The following ZNF592 variants were observed in gnomAD, a reference collection of about 807,000 sequenced individuals.
ZNF592 encodes the protein spinocerebellar ataxia, autosomal recessive 5.
In ZNF592, 11 loss-of-function variants were observed where a neutral mutation model predicts 80.3. That is an observed-to-expected ratio of 0.14 (90% CI 0.09 to 0.23). The LOEUF (loss-of-function observed/expected upper bound fraction) is 0.23, where lower values mean the gene tolerates loss of function less well. Among genes scored for constraint, ZNF592 ranks in the 10% least tolerant of loss-of-function variants. The probability of loss-of-function intolerance (pLI) is 1.00; values close to 1 mark genes in which losing one functional copy is unlikely to be tolerated. For missense variants in ZNF592, 1,420 were observed against 1,633.9 expected (o/e 0.87, Z 2.26); for synonymous variants, 646 against 640.3 (o/e 1.01, Z -0.13).
intron 5 of ZNF592, among the ~76,000 whole-genome samples, chr15:84,792,854 C>G (rs374524510): frequency 6.6e-6 from 1 of 152,192 alleles, no homozygotes; most frequent in Admixed American, 6.5e-5. Flanking sequence ...CAGGATTATA[C>G]AAAGCACTTA....
Position 84,797,888 on chromosome 15 carries a change from G to A in ZNF592, c.2419G>A (p.Val807Ile), listed in dbSNP as rs542655238. 59 of 1,614,176 alleles carry A rather than the reference G, an allele frequency of 3.7e-5. No individual in the cohort carries two copies. The South Asian group carries it at 4.3e-4, about 12-fold the overall frequency. The change falls in exon 6 of 11, where the codon GTC (valine) becomes ATC (isoleucine). Residue 807 changes from valine (V) to isoleucine (I), a missense_variant. By Grantham distance (29) the Val-to-Ile change is conservative. Around this residue, in one of 7 missense-constraint regions of ZNF592, gnomAD observed 13 missense variants for 42.3 expected, o/e 0.31. Coordinates refer to ENST00000560079, the MANE Select transcript of ZNF592 (RefSeq NM_014630.3). ...GTCTAGGTGCATCCACTGTGGTGTC[G>A]TCCACCTGACCTTGGCCTTGCTGAA... ...VGYRCIHCGV[V>I]HLTLALLKSH...
Position 84,784,403 on chromosome 15 carries a change from G to C in ZNF592, c.1728G>C (p.Ala576=), listed in dbSNP as rs150459952. 2.5e-6 allele frequency: 4 copies of C among 1,614,184 alleles called. No homozygotes were observed. The highest frequency in any genetic ancestry group is 3.4e-6 in the Non-Finnish European group (4 of 1,180,026). The part of the protein sequence containing the change: ...PLYAPNLSPP[A]DSRIHVPASG... Reference sequence around the variant, plus strand: ...ATGCGCCAAATCTCAGCCCGCCTGCGGACAGCAGGATCCACGTGCCGGCCA... The same window carrying C: ...ATGCGCCAAATCTCAGCCCGCCTGCCGACAGCAGGATCCACGTGCCGGCCA... Residue 576 remains alanine, a synonymous_variant, in exon 4 of 11, where the codon GCG becomes GCC. Coordinates refer to ENST00000560079, the MANE Select transcript of ZNF592 (RefSeq NM_014630.3). The surrounding 1 kb of genome is among the most constrained non-coding windows in gnomAD (Gnocchi z 5.8).
chr15:84,790,472 A>G (rs1422667915), intron 4 of ZNF592, among the ~76,000 whole-genome samples: 1 of 152,230 alleles, frequency 6.6e-6, no homozygotes, highest in African/African-American at 2.4e-5. Context: ...TTGAGAGAAT[A>G]GGGTCAGGTC....
intron 5 of ZNF592, 49 bp from the exon 6 acceptor site, chr15:84,797,820 A>G: frequency 6.2e-7 from 1 of 1,608,530 alleles, no homozygotes; most frequent in Non-Finnish European, 8.5e-7. Flanking sequence ...CTCTGGGTCC[A>G]GTACTCCCTA....
At chr15:84,797,774 T>C (rs1414379521) in intron 5 of ZNF592, 95 bp from the exon 6 acceptor site, 19 of 1,413,702 alleles carry the variant, frequency 1.3e-5, no homozygotes, top group Middle Eastern at 1.7e-4. Flanking sequence ...TGGATAGTTC[T>C]GTTCCTCTTC....
intron 3 of ZNF592, among the ~76,000 whole-genome samples, chr15:84,782,364 G>C (rs1596122519): frequency 1.3e-5 from 2 of 152,154 alleles, no homozygotes; most frequent in South Asian, 4.1e-4. Context: ...TATGGTAGGA[G>C]TATACTCTCT....
chr15:84,781,050 T>C (rs975411812), intron 3 of ZNF592, among the ~76,000 whole-genome samples: 1 of 152,116 alleles, frequency 6.6e-6, no homozygotes, highest in Non-Finnish European at 1.5e-5. Flanking sequence ...TATTTATTTA[T>C]TTATTTATTT....
Position 84,790,691 on chromosome 15 carries a change from G to T in ZNF592, c.2221-14G>T. On this transcript the variant is annotated splice_polypyrimidine_tract_variant and intron_variant, in intron 4 of 10. Transcript: ENST00000560079. ...GGCCCCTGCATGATCTGCTTTCTTG[G>T]TGTTCTTTCCTAGACCTGCCAGGTA... 6.2e-7 allele frequency: 1 copy of T among 1,614,152 alleles called. No individual in the cohort carries two copies. The highest frequency in any genetic ancestry group is 8.5e-7 in the Non-Finnish European group (1 of 1,180,014).
At chr15:84,775,303 C>G (rs532173603) in intron 2 of ZNF592, among the ~76,000 whole-genome samples, 56 of 152,004 alleles carry the variant, frequency 3.7e-4, no homozygotes, top group Non-Finnish European at 7.1e-4. Flanking sequence ...ACTGTGTTGG[C>G]CAGGCTAGTG....
chr15:84,774,191 CT>C (rs1962176139), intron 2 of ZNF592, among the ~76,000 whole-genome samples: 1 of 152,124 alleles, frequency 6.6e-6, no homozygotes, highest in East Asian at 1.9e-4. Flanking sequence ...TTTAATTTTG[CT>C]TTTTGATTAG....
intron 1 of ZNF592, among the ~76,000 whole-genome samples, chr15:84,763,289 C>G (rs140090499): frequency 0.021 from 3,181 of 152,286 alleles, 49 homozygotes; most frequent in Non-Finnish European, 0.028. Flanking sequence ...GGAGAAGCAG[C>G]CAGCCTGGAA....
rs745474212 is a variant in ZNF592, at chr15:84,783,851, A to G, written c.1176A>G (p.Thr392=). The G allele has an allele frequency of 5.0e-5, 80 of 1,614,096 alleles. No homozygotes were observed. The highest frequency in any genetic ancestry group is 6.4e-5 in the Non-Finnish European group (75 of 1,180,042). The change falls in exon 4 of 11, where the codon ACA becomes ACG. Residue 392 remains threonine (T), a synonymous_variant. Coordinates refer to ENST00000560079, the MANE Select transcript of ZNF592 (RefSeq NM_014630.3). This position sits in a 1 kb window ranked among gnomAD's most constrained non-coding sequence, Gnocchi z 5.0. ...CAGGGGAAATCAAACGGACTGTCAC[A>G]AGGATCCTGCCAGATCCTGATGATC... The part of the protein sequence containing the change: ...TSSGEIKRTV[T]RILPDPDDPS...
rs767292961 is a variant in ZNF592 at position 84,784,211 on chromosome 15, C to A, written c.1536C>A (p.Pro512=). ...ACTTGGCCAACCTGAACCTCGTCCC[C>A]CACAGTGTTGCTGCATCAGTGACAG... ...AVHLANLNLV[P]HSVAASVTAK... is the part of the protein sequence containing the mutation. The change falls in exon 4 of 11, where the codon CCC becomes CCA. Residue 512 remains proline, a synonymous_variant. Transcript: ENST00000560079. The surrounding 1 kb of genome is among the most constrained non-coding windows in gnomAD (Gnocchi z 5.8). The A allele has an allele frequency of 1.2e-6, 2 of 1,614,220 alleles. No individual in the cohort carries two copies. Among genetic ancestry groups the A allele is most frequent in the Non-Finnish European group, 8.5e-7 (1 of 1,180,046 alleles).
chr15:84,755,299 T>A (rs981010282), intron 1 of ZNF592, among the ~76,000 whole-genome samples: 2 of 151,394 alleles, frequency 1.3e-5, no homozygotes, highest in Non-Finnish European at 2.9e-5. Flanking sequence ...TTTTTTTTAA[T>A]TTTTTTTTAT....
intron 5 of ZNF592, 112 bp from the exon 6 acceptor site, chr15:84,797,757 A>G: frequency 8.2e-7 from 1 of 1,225,016 alleles, no homozygotes; most frequent in African/African-American, 1.5e-5. Flanking sequence ...GGGAGGGAGA[A>G]GGTGCCTGGA....
intron 2 of ZNF592, among the ~76,000 whole-genome samples, chr15:84,768,124 T>A (rs1899585501): frequency 6.6e-6 from 1 of 150,848 alleles, no homozygotes; most frequent in Admixed American, 6.6e-5. Context: ...ACTCCTGGCC[T>A]CAAATGATCT....
At chr15:84,795,510 C>G (rs942748560) in intron 5 of ZNF592, among the ~76,000 whole-genome samples, 4 of 152,218 alleles carry the variant, frequency 2.6e-5, no homozygotes, top group African/African-American at 9.6e-5. Flanking sequence ...TTTTCAGTAG[C>G]ATTCGAAAAG....
intron 3 of ZNF592, among the ~76,000 whole-genome samples, chr15:84,778,975 A>C (rs1460194183): frequency 6.6e-6 from 1 of 152,210 alleles, no homozygotes; most frequent in Non-Finnish European, 1.5e-5. Context: ...ATGCCGGTTT[A>C]GAGAAAACAA....
Position 84,798,210 on chromosome 15 carries a change from G to C in ZNF592, c.2577-105G>C, listed in dbSNP as rs1962977173. On this transcript the variant is annotated intron_variant, in intron 6 of 10. Transcript: ENST00000560079. The surrounding 1 kb of genome is among the most constrained non-coding windows in gnomAD (Gnocchi z 4.5). ...GCAGGGGAGCATCCACATTGGCTCA[G>C]GGTAGTGCTTTCCCAAACTTGACCC... 1.3e-6 allele frequency: 2 copies of C among 1,588,880 alleles called. No individual in the cohort carries two copies. Among genetic ancestry groups the C allele is most frequent in the Non-Finnish European group, 1.7e-6 (2 of 1,164,064 alleles).
Sources: gnomAD v4.1 joint callset for allele counts (sites outside exome capture counted in the v4.1 genomes callset) on GRCh38, gnomAD v4.1.1 for gene constraint, gnomAD v4.1.1 regional missense constraint, Gnocchi (gnomAD v3.1) non-coding constraint, MANE v1.5 for transcripts, NCBI Gene and HGNC (gene_info 2026-07-23, HGNC 2026-07-21) for gene names.